The following NKIRAS1 variants were observed in gnomAD, a reference collection of about 807,000 sequenced individuals.
NKIRAS1 encodes NFKB inhibitor interacting Ras like 1, also known as NF-kappa-B inhibitor-interacting Ras-like protein 1.
Under a neutral mutation model 19.8 loss-of-function variants are expected in NKIRAS1, and 16 were observed. The observed-to-expected ratio is 0.81, with a 90% confidence interval of 0.55 to 1.23. The LOEUF is 1.23. NKIRAS1 is among the 50% of genes most tolerant of loss of function. The pLI is 0.00. For missense variants in NKIRAS1, 184 were observed against 220.0 expected, an observed-to-expected ratio of 0.84 and a Z score of 1.04; for synonymous variants, 88 against 79.0, an observed-to-expected ratio of 1.11 and a Z score of -0.61.
chr3:23,906,196 G>C (rs1703045072), intron 3 of NKIRAS1, among the ~76,000 whole-genome samples: 1 of 148,384 alleles, frequency 6.7e-6, no homozygotes, highest in East Asian at 2.0e-4. Context: ...GAGAAACAAA[G>C]GGGAAGTTCC....
upstream of NKIRAS1, chr3:23,919,360 C>T: frequency 2.5e-6 from 4 of 1,602,692 alleles, no homozygotes; most frequent in Non-Finnish European, 3.4e-6. Flanking sequence ...TCCACAAGCA[C>T]AGGGAGATGC....
chr3:23,907,047 C>G (rs1175106134), intron 3 of NKIRAS1, among the ~76,000 whole-genome samples: 1 of 152,010 alleles, frequency 6.6e-6, no homozygotes, highest in Non-Finnish European at 1.5e-5. Context: ...GCACGTGCCA[C>G]CATGCCCAGC....
intron 1 of NKIRAS1, among the ~76,000 whole-genome samples, chr3:23,931,736 G>GAA (rs1553646386): frequency 2.2e-3 from 111 of 49,612 alleles, no homozygotes; most frequent in South Asian, 0.016. Context: ...GAGAGAGAGA[G>GAA]AAAGAAAGGT....
At chr3:23,914,257 A>C (rs1704070093) in intron 1 of NKIRAS1, among the ~76,000 whole-genome samples, 2 of 151,836 alleles carry the variant, frequency 1.3e-5, no homozygotes, top group Admixed American at 1.3e-4. Flanking sequence ...AAGAGCCATC[A>C]GAAACAGCTC....
At chr3:23,894,109 A>G (rs1468732989) in intron 4 of NKIRAS1, among the ~76,000 whole-genome samples, 2 of 152,204 alleles carry the variant, frequency 1.3e-5, no homozygotes, top group Non-Finnish European at 2.9e-5. Flanking sequence ...ATGGGCCAAA[A>G]ACAAAAAAAG....
At chr3:23,915,132 T>C (rs139001046) in intron 1 of NKIRAS1, among the ~76,000 whole-genome samples, 2 of 152,356 alleles carry the variant, frequency 1.3e-5, no homozygotes, top group East Asian at 1.9e-4. Context: ...CATACGAAGA[T>C]ATTATCCTGA....
At chr3:23,918,151 AAGCT>A (rs887258753), upstream of NKIRAS1, 10 of 1,287,276 alleles carry the variant, frequency 7.8e-6, no homozygotes, top group Admixed American at 1.6e-4. Context: ...TGGCAGAAAA[AAGCT>A]AGCAACACTG....
At chr3:23,917,885 A>G, upstream of NKIRAS1, 1 of 1,611,106 alleles carries the variant, frequency 6.2e-7, no homozygotes, top group South Asian at 1.1e-5. Flanking sequence ...TACATCCAGG[A>G]GCTATGGAGA....
chr3:23,899,532 T>C (rs9809225), intron 4 of NKIRAS1, among the ~76,000 whole-genome samples: 25,091 of 152,198 alleles, frequency 0.16, 3,295 homozygotes, highest in African/African-American at 0.36. Flanking sequence ...TCCTAGACAA[T>C]GAAGAGTCCG....
At chr3:23,919,921 T>C, upstream of NKIRAS1, 1 of 990,332 alleles carries the variant, frequency 1.0e-6, no homozygotes, top group African/African-American at 1.7e-5. Context: ...TGTAGACTTT[T>C]TAAGTTGGGC....
At chr3:23,909,864 G>GTTT (rs201671440) in intron 3 of NKIRAS1, among the ~76,000 whole-genome samples, 18 of 135,554 alleles carry the variant, frequency 1.3e-4, no homozygotes, top group Admixed American at 2.2e-4. Context: ...GTTTTTTTTT[G>GTTT]TTTTTTTTTT....
rs1181689031 is a variant in NKIRAS1 at position 23,909,866 on chromosome 3, T to TG, written c.94+944_94+945insC. ...CAAAGTTGTTTTTGTTTTTTTTTGT[T>TG]TTTTTTTTTTTGAGATGGAGTCTCG... On this transcript the variant is annotated intron_variant, in intron 3 of 4. Transcript: ENST00000425478. 4.0e-4 allele frequency among the ~76,000 whole-genome samples: 25 copies of TG among 62,470 alleles called. 1 individual carries two copies. The highest frequency in any genetic ancestry group is 8.3e-4 in the Non-Finnish European group (17 of 20,556). 41.0% of individuals were successfully genotyped at this position (62,470 alleles called of 152,430 possible).
chr3:23,918,762 A>G (rs138205939), upstream of NKIRAS1: 53 of 698,902 alleles, frequency 7.6e-5, no homozygotes, highest in African/African-American at 8.6e-4. Flanking sequence ...ATGCGTGTGT[A>G]TATACTGGAA....
intron 1 of NKIRAS1, among the ~76,000 whole-genome samples, chr3:23,925,454 C>T (rs947453115): frequency 5.9e-5 from 9 of 151,902 alleles, no homozygotes; most frequent in African/African-American, 1.5e-4. Flanking sequence ...GGCAAGATGG[C>T]GAAACCCGTC....
intron 1 of NKIRAS1, among the ~76,000 whole-genome samples, chr3:23,913,495 A>G (rs547604324): frequency 1.3e-5 from 2 of 152,348 alleles, no homozygotes; most frequent in African/African-American, 2.4e-5. Flanking sequence ...CCTTGCTACC[A>G]TCAATTACAA....
At chr3:23,938,585 T>C (rs1018973220) in intron 1 of NKIRAS1, among the ~76,000 whole-genome samples, 1 of 152,158 alleles carries the variant, frequency 6.6e-6, no homozygotes, top group African/African-American at 2.4e-5. Flanking sequence ...TCTTTAAAAT[T>C]GTTCCCTTTT....
intron 1 of NKIRAS1, among the ~76,000 whole-genome samples, chr3:23,928,155 C>T (rs1412129712): frequency 6.6e-6 from 1 of 151,418 alleles, no homozygotes; most frequent in East Asian, 1.9e-4. Flanking sequence ...TCATCTGAGC[C>T]AGGAATGGTA....
chr3:23,941,220 C>T (rs1575136499), intron 1 of NKIRAS1, among the ~76,000 whole-genome samples: 1 of 152,150 alleles, frequency 6.6e-6, no homozygotes, highest in Non-Finnish European at 1.5e-5. Flanking sequence ...TAGACTTCAC[C>T]TTTCTCTTTT....
chr3:23,945,839 T>G (rs1052872611), intron 1 of NKIRAS1, among the ~76,000 whole-genome samples: 5 of 150,330 alleles, frequency 3.3e-5, no homozygotes, highest in East Asian at 2.0e-4. Flanking sequence ...CCCCCTCACA[T>G]GGCCCGGCCG....
Sources: gnomAD v4.1 joint callset for allele counts (sites outside exome capture counted in the v4.1 genomes callset) on GRCh38, gnomAD v4.1.1 for gene constraint, MANE v1.5 for transcripts, NCBI Gene and HGNC (gene_info 2026-07-23, HGNC 2026-07-21) for gene names.